Variants in ACTR2 observed in about 807,000 individuals in gnomAD.
The protein encoded by ACTR2 is actin-related protein 2.
Under a neutral mutation model 50.2 loss-of-function variants are expected in ACTR2, and 5 were observed. That is an observed-to-expected ratio of 0.10 (90% CI 0.05 to 0.21). The LOEUF (loss-of-function observed/expected upper bound fraction) is 0.21, where lower values mean the gene tolerates loss of function less well. Among genes scored for constraint, ACTR2 ranks in the 10% least tolerant of loss-of-function variants. The pLI is 1.00. For synonymous variants in ACTR2, 140 were observed against 162.9 expected (o/e 0.86, Z 1.07); for missense variants, 180 against 480.6 (o/e 0.37, Z 5.85).
chr2:65,236,164 C>A (rs1279178987), intron 1 of ACTR2, among the ~76,000 whole-genome samples: 2 of 151,960 alleles, frequency 1.3e-5, no homozygotes, highest in Non-Finnish European at 2.9e-5. Context: ...CATGGTGAAA[C>A]CCCGTCTCTA....
intron 7 of ACTR2, among the ~76,000 whole-genome samples, chr2:65,263,778 G>T (rs1186246543): frequency 6.6e-6 from 1 of 152,166 alleles, no homozygotes; most frequent in African/African-American, 2.4e-5. Context: ...GGTGGCTCAC[G>T]CCTGTAATCC....
At chr2:65,255,081 A>T (rs569203344) in intron 5 of ACTR2, among the ~76,000 whole-genome samples, 1 of 152,322 alleles carries the variant, frequency 6.6e-6, no homozygotes, top group Non-Finnish European at 1.5e-5. Context: ...ATCATTCGTT[A>T]AACAAATGCT....
At chr2:65,240,559 G>A (rs1032245647) in intron 2 of ACTR2, among the ~76,000 whole-genome samples, 6 of 152,054 alleles carry the variant, frequency 3.9e-5, no homozygotes, top group African/African-American at 1.4e-4. Flanking sequence ...TTGCCTACTC[G>A]CTGTATTTAA....
At chr2:65,245,625 A>G (rs1467406253) in intron 2 of ACTR2, among the ~76,000 whole-genome samples, 1 of 152,222 alleles carries the variant, frequency 6.6e-6, no homozygotes, top group East Asian at 1.9e-4. Context: ...AGTTTTTTTA[A>G]TTGAATTTAT....
chr2:65,244,672 G>T (rs60726151), intron 2 of ACTR2, among the ~76,000 whole-genome samples: 80,796 of 151,960 alleles, frequency 0.53, 21,836 homozygotes, highest in East Asian at 0.79. Flanking sequence ...AAACGGTTGG[G>T]TGTGGTGATT....
intron 1 of ACTR2, among the ~76,000 whole-genome samples, chr2:65,232,784 T>C (rs1467222409): frequency 6.6e-6 from 1 of 152,182 alleles, no homozygotes; most frequent in African/African-American, 2.4e-5. Context: ...GTAAGGGAAC[T>C]AGTTTAAACC....
intron 5 of ACTR2, 99 bp from the exon 6 acceptor site, chr2:65,255,446 T>G: frequency 9.4e-7 from 1 of 1,063,286 alleles, no homozygotes; most frequent in Non-Finnish European, 1.3e-6. Context: ...GCCCATTCTG[T>G]TTGTTATTGA....
intron 1 of ACTR2, among the ~76,000 whole-genome samples, chr2:65,237,670 G>A (rs1041104856): frequency 2.6e-5 from 4 of 152,136 alleles, no homozygotes; most frequent in African/African-American, 7.2e-5. Flanking sequence ...GTGCAACATA[G>A]TGAGACCCCA....
intron 2 of ACTR2, chr2:65,242,682 C>A (rs1056614486): frequency 2.4e-5 from 12 of 508,160 alleles, no homozygotes; most frequent in Admixed American, 9.9e-5. Context: ...GATTTCCCCC[C>A]CAAACATTGT....
In ACTR2 at chr2:65,268,756, A is replaced by C; in HGVS notation, c.*22A>C. ...ATAAACTCCAAAGCTTGTTCCCGTCATACCCGTAATGCTTTCTTTTTTCCT... is the reference window on the plus strand; with the variant it reads ...ATAAACTCCAAAGCTTGTTCCCGTCCTACCCGTAATGCTTTCTTTTTTCCT... On this transcript the variant is annotated 3_prime_UTR_variant, in exon 9 of 9. Transcript: ENST00000260641. 1 of 1,606,510 alleles carries C rather than the reference A, an allele frequency of 6.2e-7. No individual in the cohort carries two copies. Among genetic ancestry groups the C allele is most frequent in the Non-Finnish European group, 8.5e-7 (1 of 1,176,224 alleles).
intron 1 of ACTR2, among the ~76,000 whole-genome samples, chr2:65,229,465 G>A (rs1239477256): frequency 6.6e-6 from 1 of 151,880 alleles, no homozygotes; most frequent in African/African-American, 2.4e-5. Flanking sequence ...GAGTGTTAAC[G>A]TACATTGAGG....
At chr2:65,251,775 G>A (rs1672056214) in intron 4 of ACTR2, among the ~76,000 whole-genome samples, 1 of 152,146 alleles carries the variant, frequency 6.6e-6, no homozygotes, top group Non-Finnish European at 1.5e-5. Flanking sequence ...ATATATAGTA[G>A]ATTAAAAAGG....
intron 7 of ACTR2, among the ~76,000 whole-genome samples, chr2:65,262,264 C>T (rs187814858): frequency 6.6e-6 from 1 of 152,174 alleles, no homozygotes; most frequent in African/African-American, 2.4e-5. Flanking sequence ...GAATGTCACT[C>T]TCTCACCCAG....
At chr2:65,261,714 C>G (rs1206430718) in intron 7 of ACTR2, among the ~76,000 whole-genome samples, 1 of 152,230 alleles carries the variant, frequency 6.6e-6, no homozygotes, top group East Asian at 1.9e-4. Flanking sequence ...TACTCTCTTA[C>G]ATAGTCATGC....
In ACTR2 at chr2:65,269,777, G is replaced by A. The variant is rs376566788; in HGVS notation, c.*1043G>A. On this transcript the variant is annotated 3_prime_UTR_variant, in exon 9 of 9. Coordinates refer to ENST00000260641, the MANE Select transcript of ACTR2 (RefSeq NM_005722.4). ...AATTACTGGCAGTAGGTTATAATTG[G>A]TGGTTTAAAAATAACATTGGAATAC... 5 of 152,256 alleles carry A rather than the reference G, an allele frequency of 3.3e-5. No individual in the cohort carries two copies. The highest frequency in any genetic ancestry group is 4.8e-5 in the African/African-American group (2 of 41,528). The allele number at this position is 152,256 out of a possible 1,614,324, so 9.4% of individuals were successfully genotyped here.
intron 5 of ACTR2, 109 bp from the exon 6 acceptor site, chr2:65,255,436 G>A: frequency 1.1e-6 from 1 of 907,662 alleles, no homozygotes; most frequent in Admixed American, 2.6e-5. Context: ...AGGATCCACT[G>A]CCCATTCTGT....
chr2:65,237,997 AAAT>A (rs1671771512), intron 1 of ACTR2, among the ~76,000 whole-genome samples: 1 of 151,218 alleles, frequency 6.6e-6, no homozygotes, highest in Non-Finnish European at 1.5e-5. Context: ...CTGTCTCAAA[AAAT>A]AATAATGAAA....
intron 1 of ACTR2, among the ~76,000 whole-genome samples, chr2:65,235,959 G>A (rs1345184324): frequency 6.6e-6 from 1 of 152,116 alleles, no homozygotes; most frequent in Non-Finnish European, 1.5e-5. Context: ...GAATTGAGGT[G>A]GCATTGGGAG....
intron 8 of ACTR2, among the ~76,000 whole-genome samples, chr2:65,267,212 C>T (rs565775070): frequency 6.6e-6 from 1 of 152,030 alleles, no homozygotes; most frequent in Admixed American, 6.5e-5. Flanking sequence ...ACAGCCAAGC[C>T]CATTTGTTTA....
Sources: allele counts gnomAD v4.1 joint callset (sites outside exome capture counted in the v4.1 genomes callset), GRCh38; gene constraint gnomAD v4.1.1; transcripts MANE v1.5; gene names NCBI Gene and HGNC (gene_info 2026-07-23, HGNC 2026-07-21).